Variants in CIT observed in about 807,000 individuals in gnomAD.
CIT encodes citron rho-interacting serine/threonine kinase.
Under a neutral mutation model 272.7 loss-of-function variants are expected in CIT, and 79 were observed. The ratio of observed to expected loss-of-function variants is 0.29; its 90% CI spans 0.24 to 0.35. CIT has a LOEUF of 0.35. Among genes scored for constraint, CIT ranks in the 10% least tolerant of loss-of-function variants. The probability of loss-of-function intolerance (pLI) is 1.00; values close to 1 mark genes in which losing one functional copy is unlikely to be tolerated. For missense variants in CIT, 1,909 were observed against 2,618.3 expected, an observed-to-expected ratio of 0.73 and a Z score of 5.91; for synonymous variants, 948 against 995.6, an observed-to-expected ratio of 0.95 and a Z score of 0.90.
intron 22 of CIT, among the ~76,000 whole-genome samples, chr12:119,754,036 G>A (rs1477535610): frequency 1.3e-5 from 2 of 152,166 alleles, no homozygotes; most frequent in African/African-American, 4.8e-5. Context: ...TGAAGCCATG[G>A]CTATTATCTC....
intron 10 of CIT, among the ~76,000 whole-genome samples, chr12:119,796,097 T>C (rs1346500902): frequency 6.6e-6 from 1 of 152,228 alleles, no homozygotes; most frequent in Non-Finnish European, 1.5e-5. Flanking sequence ...ATTGAAGTGA[T>C]TCAGTAGGGG....
At chr12:119,764,782 T>C (rs74847070) in intron 19 of CIT, among the ~76,000 whole-genome samples, 1,675 of 152,244 alleles carry the variant, frequency 0.011, 35 homozygotes, top group African/African-American at 0.037. Context: ...GGAGCTGATC[T>C]AACTGATGCC....
In CIT at chr12:119,770,440, C is replaced by T. The variant is rs1454140563; in HGVS notation, c.2208+345G>A. ...CCTACAGCTTTTTAAATTGGCAATG[C>T]GAAGTTGACAGCTATCCAAAGCTCT... On this transcript the variant is annotated intron_variant, in intron 18 of 47. Transcript: ENST00000392521. This position sits in a 1 kb window ranked among gnomAD's most constrained non-coding sequence, Gnocchi z 4.4. 1.3e-5 allele frequency among the ~76,000 whole-genome samples: 2 copies of T among 151,138 alleles called. No homozygotes were observed. The highest frequency in any genetic ancestry group is 2.4e-5 in the African/African-American group (1 of 41,052).
At position 119,803,224 on chromosome 12, in the gene CIT, C is replaced by T. The variant is rs1722903886; in HGVS notation, c.1277G>A (p.Gly426Glu). ...CACTTACTCAGATCTACCAAGAATC[C>T]CCAGTGCCTTGCTGTACGAAAACCC... ...FVGFSYSKAL[G>E]ILGRSESVVS... Residue 426 changes from glycine (G) to glutamate (E), a missense_variant, in exon 10 of 48, where the codon GGG (glycine) becomes GAG (glutamate). Physicochemically the swap from Gly to Glu is moderately conservative, Grantham distance 98 (BLOSUM62 -2). Coordinates refer to ENST00000392521, the MANE Select transcript of CIT (RefSeq NM_001206999.2). 1 of 1,537,706 alleles carries T rather than the reference C, an allele frequency of 6.5e-7. No homozygotes were observed. The highest frequency in any genetic ancestry group is 1.4e-5 in the African/African-American group (1 of 70,220).
intron 25 of CIT, among the ~76,000 whole-genome samples, chr12:119,734,792 A>G (rs1414303645): frequency 1.3e-5 from 2 of 151,964 alleles, no homozygotes; most frequent in Non-Finnish European, 2.9e-5. Context: ...ATGCACCACC[A>G]AGCCCAGCTA....
intron 26 of CIT, 68 bp from the exon 27 acceptor site, chr12:119,730,698 C>A: frequency 6.4e-7 from 1 of 1,556,724 alleles, no homozygotes. Context: ...GAAGGCTGGT[C>A]CGTCTCTAAT....
chr12:119,736,381 A>G (rs966029508), intron 24 of CIT, among the ~76,000 whole-genome samples: 2 of 151,582 alleles, frequency 1.3e-5, no homozygotes, highest in African/African-American at 2.4e-5. Context: ...CTCTTTGATT[A>G]TCAATTTAAA....
chr12:119,771,947 G>C (rs890875084), intron 17 of CIT, among the ~76,000 whole-genome samples: 9 of 152,176 alleles, frequency 5.9e-5, no homozygotes, highest in African/African-American at 2.2e-4. Context: ...AGGGAAACCA[G>C]CTTGCCAGGG....
chr12:119,809,446 A>G (rs754054219), intron 9 of CIT, among the ~76,000 whole-genome samples: 1 of 152,154 alleles, frequency 6.6e-6, no homozygotes, highest in Non-Finnish European at 1.5e-5. Context: ...AGATATATAT[A>G]TACATATATA....
intron 9 of CIT, among the ~76,000 whole-genome samples, chr12:119,815,037 C>CAA (rs140981194): frequency 3.2e-4 from 19 of 58,910 alleles, no homozygotes; most frequent in African/African-American, 8.2e-4. Context: ...GACTCTGTCT[C>CAA]AAAAAAAAAA....
At chr12:119,749,633 A>G (rs1394960103) in intron 23 of CIT, among the ~76,000 whole-genome samples, 2 of 152,224 alleles carry the variant, frequency 1.3e-5, no homozygotes, top group African/African-American at 4.8e-5. Context: ...CACTTCTGCC[A>G]TCATTTGAAG....
intron 23 of CIT, among the ~76,000 whole-genome samples, chr12:119,745,381 A>AAAAAAAAAAAAC (rs1959214601): frequency 7.3e-6 from 1 of 137,488 alleles, no homozygotes; most frequent in Non-Finnish European, 1.5e-5. Flanking sequence ...AAGCAAAAAA[A>AAAAAAAAAAAAC]AAAAAAAAAA....
At position 119,768,537 on chromosome 12, in the gene CIT, C is replaced by T. The variant is rs901775439; in HGVS notation, c.2209-1355G>A. 2.6e-5 allele frequency among the ~76,000 whole-genome samples: 4 copies of T among 152,168 alleles called. No homozygotes were observed. Among genetic ancestry groups the T allele is most frequent in the Non-Finnish European group, 5.9e-5 (4 of 68,024 alleles). On this transcript the variant is annotated intron_variant, in intron 18 of 47. Transcript: ENST00000392521. This position sits in a 1 kb window ranked among gnomAD's most constrained non-coding sequence, Gnocchi z 4.3. ...GAAAAAGTACTTTGAGATTCACACA[C>T]ACTTAAAATGTTAGTGATTAAGCTT...
At chr12:119,865,629 G>C (rs761044399) in intron 3 of CIT, among the ~76,000 whole-genome samples, 5 of 152,152 alleles carry the variant, frequency 3.3e-5, no homozygotes, top group Admixed American at 3.3e-4. Context: ...CAGCACTTTC[G>C]GAGGCCGAGG....
At chr12:119,704,225 C>A in intron 41 of CIT, 138 bp downstream of exon 41, 1 of 691,224 alleles carries the variant, frequency 1.4e-6, no homozygotes. Context: ...CGACAGAGGT[C>A]ACCCCAGGCT....
chr12:119,815,853 G>A (rs1967133421), intron 9 of CIT, among the ~76,000 whole-genome samples: 1 of 152,172 alleles, frequency 6.6e-6, no homozygotes, highest in Non-Finnish European at 1.5e-5. Flanking sequence ...GAGAGGGGTT[G>A]GGCGTGGGGT....
intron 13 of CIT, 43 bp downstream of exon 13, chr12:119,782,475 A>C: frequency 6.2e-7 from 1 of 1,605,986 alleles, no homozygotes; most frequent in Non-Finnish European, 8.5e-7. Flanking sequence ...TAGAGGTCCA[A>C]GCAAGCCGAG....
At position 119,688,117 on chromosome 12, in the gene CIT, T is replaced by C; in HGVS notation, c.*115A>G. ...GTGCCGAGGTGGGTCTGGGCCCCGC[T>C]GAGCCAGAGGGTGGCTGAGCACGTG... On this transcript the variant is annotated 3_prime_UTR_variant, in exon 48 of 48. Transcript: ENST00000392521. The C allele has an allele frequency of 1.7e-6, 2 of 1,194,630 alleles. No homozygotes were observed. The highest frequency in any genetic ancestry group is 1.2e-6 in the Non-Finnish European group (1 of 802,000). The allele number at this position is 1,194,630 out of a possible 1,614,324, so 74.0% of individuals were successfully genotyped here. A position where few individuals can be genotyped will look rare whatever the true frequency, so the allele number is the denominator to read the frequency against.
rs749557612 is a variant in CIT at position 119,850,275 on chromosome 12, C to T, written c.415G>A (p.Val139Ile). 3.7e-6 allele frequency: 6 copies of T among 1,601,678 alleles called. No individual in the cohort carries two copies. Among genetic ancestry groups the T allele is most frequent in the Non-Finnish European group, 5.1e-6 (6 of 1,171,692 alleles). The change falls in exon 5 of 48, where the codon GTT (valine) becomes ATT (isoleucine). Residue 139 changes from valine (V) to isoleucine (I), a missense_variant and splice_region_variant. Val to Ile is a conservative substitution (Grantham distance 29). Coordinates refer to ENST00000392521, the MANE Select transcript of CIT (RefSeq NM_001206999.2). The part of the protein sequence containing the change: ...KKKALLAQEQ[V>I]SFFEEERNIL... ...TTCCGCTCTTCCTCAAAAAATGAAACCTAGGGAAAAAAGAAACTGCTTAGA... is the reference window on the plus strand; with the variant it reads ...TTCCGCTCTTCCTCAAAAAATGAAATCTAGGGAAAAAAGAAACTGCTTAGA...
Sources: allele counts gnomAD v4.1 joint callset (sites outside exome capture counted in the v4.1 genomes callset), GRCh38; gene constraint gnomAD v4.1.1; non-coding constraint Gnocchi (gnomAD v3.1); transcripts MANE v1.5; gene names NCBI Gene and HGNC (gene_info 2026-07-23, HGNC 2026-07-21).